CORIN: variants seen among roughly 807,000 people sequenced by gnomAD.
CORIN encodes atrial natriuretic peptide-converting enzyme.
Under a neutral mutation model 125.3 loss-of-function variants are expected in CORIN, and 117 were observed. The ratio of observed to expected loss-of-function variants is 0.93; its 90% confidence interval spans 0.80 to 1.09. CORIN has a LOEUF of 1.09. Ranked by LOEUF, CORIN falls within the 50% of genes least tolerant of loss-of-function variation. CORIN has a pLI of 0.00. For synonymous variants in CORIN, 450 were observed against 466.4 expected, an observed-to-expected ratio of 0.96 and a Z score of 0.45; for missense variants, 1,253 against 1,306.7, an observed-to-expected ratio of 0.96 and a Z score of 0.63.
intron 5 of CORIN, among the ~76,000 whole-genome samples, chr4:47,703,128 C>T (rs1205804026): frequency 6.6e-6 from 1 of 152,128 alleles, no homozygotes; most frequent in African/African-American, 2.4e-5. Flanking sequence ...GATTGGATAA[C>T]CAGCGGTTGG....
intron 3 of CORIN, among the ~76,000 whole-genome samples, chr4:47,785,510 A>C (rs1238153849): frequency 6.7e-6 from 1 of 148,190 alleles, no homozygotes; most frequent in East Asian, 2.1e-4. Context: ...ATTTTTCTCA[A>C]GGTGTGATTT....
intron 13 of CORIN, chr4:47,652,732 C>T (rs377511159): frequency 2.0e-5 from 3 of 151,826 alleles, no homozygotes; most frequent in Non-Finnish European, 2.9e-5. Flanking sequence ...TATCCTTTGC[C>T]GAAAGAGAAA....
chr4:47,792,388 G>A (rs563737946), intron 2 of CORIN, among the ~76,000 whole-genome samples: 28 of 152,262 alleles, frequency 1.8e-4, no homozygotes, highest in African/African-American at 5.3e-4. Context: ...GCAGGGTGAC[G>A]TTTAAAAGTT....
chr4:47,725,700 G>A (rs1727561876), intron 5 of CORIN, among the ~76,000 whole-genome samples: 1 of 152,102 alleles, frequency 6.6e-6, no homozygotes, highest in African/African-American at 2.4e-5. Flanking sequence ...TTATGCAGTT[G>A]AGATAAGTAA....
In CORIN at chr4:47,763,386, C is replaced by T. The variant is rs554037472; in HGVS notation, c.610G>A (p.Asp204Asn). 19 of 1,612,916 alleles carry T rather than the reference C, an allele frequency of 1.2e-5. No individual in the cohort carries two copies. Among genetic ancestry groups the T allele is most frequent in the Admixed American group, 1.2e-4 (7 of 59,910 alleles). Residue 204 changes from aspartate (D) to asparagine (N), a missense_variant, in exon 4 of 22, where the codon GAT becomes AAT. By Grantham distance (23) the Asp-to-Asn change is conservative. Transcript: ENST00000273857. ...ATCTGGGTTCCGAAATACCTGTCAT[C>T]GCCATCAATGATGCACTCAGGGAAG... ...LAFPECIIDG[D>N]DSHGLLPCRS...
At chr4:47,632,740 T>C (rs1480644832) in intron 16 of CORIN, among the ~76,000 whole-genome samples, 3 of 110,220 alleles carry the variant, frequency 2.7e-5, no homozygotes. Context: ...GATAGATAGA[T>C]AGATAGATAG....
At chr4:47,773,285 T>C (rs1257818477) in intron 3 of CORIN, among the ~76,000 whole-genome samples, 1 of 152,216 alleles carries the variant, frequency 6.6e-6, no homozygotes, top group Non-Finnish European at 1.5e-5. Flanking sequence ...AAAGGATTTA[T>C]TGTAAAATCC....
intron 12 of CORIN, among the ~76,000 whole-genome samples, chr4:47,654,553 G>C (rs1723878790): frequency 6.6e-6 from 1 of 152,194 alleles, no homozygotes; most frequent in Admixed American, 6.5e-5. Context: ...ACTCAGTGCT[G>C]TCCTATCACA....
chr4:47,726,666 C>A (rs1727610919), intron 5 of CORIN, among the ~76,000 whole-genome samples: 1 of 152,016 alleles, frequency 6.6e-6, no homozygotes, highest in Admixed American at 6.6e-5. Context: ...ACTATATATA[C>A]ACACACATAC....
At chr4:47,773,584 T>C (rs529678339) in intron 3 of CORIN, among the ~76,000 whole-genome samples, 12 of 152,112 alleles carry the variant, frequency 7.9e-5, no homozygotes, top group Non-Finnish European at 1.6e-4. Context: ...AGAATCAAGT[T>C]GAGCAATTGT....
intron 19 of CORIN, among the ~76,000 whole-genome samples, chr4:47,605,292 G>A (rs1400332452): frequency 6.6e-6 from 1 of 152,098 alleles, no homozygotes; most frequent in Non-Finnish European, 1.5e-5. Flanking sequence ...GTGAAGGCAG[G>A]GATTTGGCTG....
At position 47,677,994 on chromosome 4, in the gene CORIN, T is replaced by C; in HGVS notation, c.1193A>G (p.Gln398Arg). ...CTTGCAGTCCTCGTCACCATCACAT[T>C]GAAACGTGCTGGGGATACATTGTCC... ...RNGQCIPSTF[Q>R]CDGDEDCKDG... The change falls in exon 9 of 22, where the codon CAA (glutamine) becomes CGA (arginine). Residue 398 changes from glutamine to arginine, a missense_variant. Transcript: ENST00000273857. The C allele has an allele frequency of 6.2e-7, 1 of 1,614,088 alleles. No individual in the cohort carries two copies. Among genetic ancestry groups the C allele is most frequent in the African/African-American group, 1.3e-5 (1 of 75,054 alleles).
intron 4 of CORIN, among the ~76,000 whole-genome samples, chr4:47,751,898 C>A (rs1490867017): frequency 2.0e-5 from 3 of 152,136 alleles, no homozygotes; most frequent in Non-Finnish European, 4.4e-5. Flanking sequence ...TAAACTGATG[C>A]CAGGAGCTGA....
chr4:47,826,125 A>G (rs1732735959), intron 1 of CORIN, among the ~76,000 whole-genome samples: 1 of 152,206 alleles, frequency 6.6e-6, no homozygotes, highest in Non-Finnish European at 1.5e-5. Context: ...CAATTGGGTC[A>G]GAGAAAGAAA....
In CORIN at chr4:47,594,728, A is replaced by T. The variant is rs942629451; in HGVS notation, c.*993T>A. Reference sequence around the variant, plus strand: ...ATGCAAATTAATTTTCTTTTTAAAAAATTGCATCTCTCATCTAAATTCTCT... The same window carrying T: ...ATGCAAATTAATTTTCTTTTTAAAATATTGCATCTCTCATCTAAATTCTCT... On this transcript the variant is annotated 3_prime_UTR_variant, in exon 22 of 22. Transcript: ENST00000273857. 10 of 152,190 alleles carry T rather than the reference A, an allele frequency of 6.6e-5. No individual in the cohort carries two copies. Among genetic ancestry groups the T allele is most frequent in the Admixed American group, 3.9e-4 (6 of 15,266 alleles). 9.4% of individuals were successfully genotyped at this position (152,190 alleles called of 1,614,324 possible).
intron 16 of CORIN, among the ~76,000 whole-genome samples, chr4:47,631,942 A>G (rs1722823770): frequency 6.6e-6 from 1 of 152,196 alleles, no homozygotes; most frequent in South Asian, 2.1e-4. Context: ...GAAATGAGAG[A>G]ACAGAGCTCA....
chr4:47,713,002 T>C (rs940060654), intron 5 of CORIN, among the ~76,000 whole-genome samples: 1 of 152,180 alleles, frequency 6.6e-6, no homozygotes, highest in Non-Finnish European at 1.5e-5. Context: ...ATTAACTTTA[T>C]AGTAGATAAT....
intron 21 of CORIN, among the ~76,000 whole-genome samples, chr4:47,596,281 TACCCAA>T (rs1721244778): frequency 1.3e-5 from 2 of 151,862 alleles, no homozygotes; most frequent in Admixed American, 6.6e-5. Flanking sequence ...CTGTGGAAAG[TACCCAA>T]AATGGAATAA....
In CORIN at chr4:47,642,098, C is replaced by A. The variant is rs749902880; in HGVS notation, c.2069-49G>T. 5.1e-6 allele frequency: 8 copies of A among 1,582,884 alleles called. No individual in the cohort carries two copies. In the East Asian group the frequency reaches 1.8e-4, roughly 36 times the overall value. On this transcript the variant is annotated intron_variant, in intron 15 of 21. Transcript: ENST00000273857. The stretch of plus-strand genomic sequence containing the variant: ...AACCCTAATTAAAAACATTTCTTCC[C>A]ATGAAAGCACATAACTTTACATGCC...
Sources: allele counts gnomAD v4.1 joint callset (sites outside exome capture counted in the v4.1 genomes callset), GRCh38; gene constraint gnomAD v4.1.1; transcripts MANE v1.5; gene names NCBI Gene and HGNC (gene_info 2026-07-23, HGNC 2026-07-21).